The following LDAH variants were observed in gnomAD, a reference collection of about 807,000 sequenced individuals.
LDAH encodes lipid droplet-associated hydrolase.
LDAH carries 26 observed loss-of-function variants against 29.6 expected under a neutral mutation model. The ratio of observed to expected loss-of-function variants is 0.88; its 90% confidence interval spans 0.64 to 1.22. The LOEUF is 1.22. Ranked by LOEUF, LDAH falls within the 50% of genes most tolerant of loss-of-function variation. The pLI is 0.00. For synonymous variants in LDAH, 117 were observed against 133.0 expected (o/e 0.88, Z 0.83); for missense variants, 344 against 387.3 (o/e 0.89, Z 0.94).
chr2:20,710,421 G>A (rs1572445784), intron 5 of LDAH, among the ~76,000 whole-genome samples: 1 of 151,648 alleles, frequency 6.6e-6, no homozygotes, highest in Non-Finnish European at 1.5e-5. Flanking sequence ...ATATATTAAA[G>A]AAATGGAATT....
chr2:20,707,689 A>G (rs1392502241), intron 5 of LDAH, among the ~76,000 whole-genome samples: 30 of 152,194 alleles, frequency 2.0e-4, no homozygotes, highest in Non-Finnish European at 4.4e-5. Context: ...CATCTGAAAG[A>G]ATTAGAGGGA....
intron 1 of LDAH, among the ~76,000 whole-genome samples, chr2:20,818,911 G>A (rs1006192195): frequency 4.6e-5 from 7 of 152,104 alleles, no homozygotes; most frequent in Non-Finnish European, 1.0e-4. Flanking sequence ...GTTGCGAGAT[G>A]AGCAATTTCA....
intron 6 of LDAH, among the ~76,000 whole-genome samples, chr2:20,688,990 C>A (rs1219235754): frequency 1.3e-5 from 2 of 151,532 alleles, no homozygotes; most frequent in South Asian, 4.2e-4. Flanking sequence ...CCCTCCCCTA[C>A]CCCCCATCCC....
chr2:20,807,214 A>G (rs1056993871), intron 1 of LDAH, among the ~76,000 whole-genome samples: 2 of 152,098 alleles, frequency 1.3e-5, no homozygotes, highest in African/African-American at 4.8e-5. Context: ...CAACAGATAC[A>G]AAAAGAAAAC....
intron 5 of LDAH, among the ~76,000 whole-genome samples, chr2:20,715,052 T>C (rs1024653198): frequency 2.0e-5 from 3 of 152,222 alleles, no homozygotes; most frequent in Admixed American, 2.0e-4. Flanking sequence ...ATCATCCTGA[T>C]ACCAAAGCCT....
At chr2:20,760,017 G>T (rs1668571463) in intron 4 of LDAH, among the ~76,000 whole-genome samples, 1 of 152,202 alleles carries the variant, frequency 6.6e-6, no homozygotes. Flanking sequence ...TGATGCTAAT[G>T]AATCCCAACC....
intron 4 of LDAH, among the ~76,000 whole-genome samples, chr2:20,748,394 A>G (rs1667725397): frequency 6.6e-6 from 1 of 152,228 alleles, no homozygotes; most frequent in Admixed American, 6.5e-5. Flanking sequence ...TTATAACTGC[A>G]CAAACACCTG....
At chr2:20,786,246 G>A (rs1473724407) in intron 3 of LDAH, among the ~76,000 whole-genome samples, 2 of 152,108 alleles carry the variant, frequency 1.3e-5, no homozygotes, top group Admixed American at 1.3e-4. Flanking sequence ...CTGGAGTGCA[G>A]TGGCACTATC....
intron 4 of LDAH, among the ~76,000 whole-genome samples, chr2:20,744,543 G>T (rs1419700450): frequency 1.3e-5 from 2 of 152,100 alleles, no homozygotes; most frequent in Non-Finnish European, 2.9e-5. Context: ...ACAAGAGTTA[G>T]GTATTTCCCT....
rs1323730528 is a variant in LDAH at position 20,703,401 on chromosome 2, C to T, written c.704-1749G>A. On this transcript the variant is annotated intron_variant, in intron 5 of 6. Transcript: ENST00000237822. ...CTTGATAACTTATTGATTACCCTTG[C>T]TGAGTTGCTATGAAAGATGAGGATT... Among the ~76,000 whole-genome samples, 4 of 152,208 alleles carry T rather than the reference C, an allele frequency of 2.6e-5. No individual in the cohort carries two copies. The East Asian group carries it at 7.7e-4, about 29-fold the overall frequency.
chr2:20,704,143 G>A (rs1009170342), intron 5 of LDAH, among the ~76,000 whole-genome samples: 1 of 152,240 alleles, frequency 6.6e-6, no homozygotes, highest in Non-Finnish European at 1.5e-5. Context: ...ACTCTAGACA[G>A]AGAATAGGGT....
At chr2:20,804,892 T>C (rs771118311) in intron 1 of LDAH, among the ~76,000 whole-genome samples, 1 of 152,192 alleles carries the variant, frequency 6.6e-6, no homozygotes, top group Non-Finnish European at 1.5e-5. Flanking sequence ...ATGGACTGAA[T>C]TTTTACTTCA....
rs73919644 is a variant in LDAH, at chr2:20,701,153, C to A, written c.786+417G>T. On this transcript the variant is annotated intron_variant, in intron 6 of 6. Coordinates refer to ENST00000237822, the MANE Select transcript of LDAH (RefSeq NM_021925.4). ...AACTGGTCTTAGGGTCAGAGCAGGA[C>A]ATTCCTACTCTAACACATTAGAGAA... is the stretch of plus-strand genomic sequence containing the variant. 6.3e-3 allele frequency among the ~76,000 whole-genome samples: 956 copies of A among 152,298 alleles called. 10 individuals carry two copies. Among genetic ancestry groups the A allele is most frequent in the African/African-American group, 0.022 (919 of 41,564 alleles).
intron 5 of LDAH, among the ~76,000 whole-genome samples, chr2:20,722,094 G>A (rs559448952): frequency 1.1e-4 from 17 of 152,224 alleles, no homozygotes; most frequent in Admixed American, 2.0e-4. Flanking sequence ...TGAATCTTAC[G>A]GCTGGGCACA....
intron 3 of LDAH, among the ~76,000 whole-genome samples, chr2:20,780,822 A>G (rs542611147): frequency 1.3e-3 from 200 of 152,056 alleles, no homozygotes; most frequent in Non-Finnish European, 9.0e-4. Flanking sequence ...ACGTGCTTTC[A>G]TTTCTAGGGA....
intron 4 of LDAH, 85 bp downstream of exon 4, chr2:20,774,725 G>C (rs1194608123): frequency 7.4e-7 from 1 of 1,347,370 alleles, no homozygotes; most frequent in Non-Finnish European, 1.0e-6. Context: ...AACTGAACAA[G>C]AGACAAAAGA....
At chr2:20,703,453 C>T (rs1426519767) in intron 5 of LDAH, among the ~76,000 whole-genome samples, 1 of 152,154 alleles carries the variant, frequency 6.6e-6, no homozygotes, top group Non-Finnish European at 1.5e-5. Flanking sequence ...CCCTACCATT[C>T]CTTCCTGCCA....
At chr2:20,723,076 T>A (rs1665773778) in intron 5 of LDAH, among the ~76,000 whole-genome samples, 1 of 152,334 alleles carries the variant, frequency 6.6e-6, no homozygotes, top group African/African-American at 2.4e-5. Flanking sequence ...TTTTTAGTAG[T>A]ACCACATTGG....
At chr2:20,792,287 T>G (rs1481989769) in intron 2 of LDAH, among the ~76,000 whole-genome samples, 1 of 152,160 alleles carries the variant, frequency 6.6e-6, no homozygotes, top group Non-Finnish European at 1.5e-5. Flanking sequence ...TTTTAGGTAC[T>G]ATAACTTACT....
Sources: allele counts gnomAD v4.1 joint callset (sites outside exome capture counted in the v4.1 genomes callset), GRCh38; gene constraint gnomAD v4.1.1; transcripts MANE v1.5; gene names NCBI Gene and HGNC (gene_info 2026-07-23, HGNC 2026-07-21).